The following ZNF536 variants were observed in gnomAD, a reference collection of about 807,000 sequenced individuals.
The protein encoded by ZNF536 is zinc finger protein 536.
Under a neutral mutation model 84.5 loss-of-function variants are expected in ZNF536, and 13 were observed. The observed-to-expected ratio is 0.15, with a 90% CI of 0.10 to 0.24. The LOEUF (loss-of-function observed/expected upper bound fraction) is 0.24, where lower values mean the gene tolerates loss of function less well. Among genes scored for constraint, ZNF536 ranks in the 10% least tolerant of loss-of-function variants. The pLI is 1.00. For synonymous variants in ZNF536, 811 were observed against 742.5 expected (o/e 1.09, Z -1.50); for missense variants, 1,536 against 1,747.5 (o/e 0.88, Z 2.16).
chr19:30,279,501 A>G (rs1277086621), intron 1 of ZNF536, among the ~76,000 whole-genome samples: 1 of 152,190 alleles, frequency 6.6e-6, no homozygotes, highest in Non-Finnish European at 1.5e-5. Context: ...TCTGAGAAAG[A>G]GAGAATCACT....
At chr19:30,595,993 A>G (rs1380502177) in intron 1 of ZNF536, among the ~76,000 whole-genome samples, 1 of 151,984 alleles carries the variant, frequency 6.6e-6, no homozygotes, top group African/African-American at 2.4e-5. Flanking sequence ...GCCCCCATGG[A>G]CCCCTCACTT....
At chr19:30,398,378 T>G (rs2049907106) in intron 1 of ZNF536, among the ~76,000 whole-genome samples, 1 of 97,650 alleles carries the variant, frequency 1.0e-5, no homozygotes, top group African/African-American at 3.5e-5. Context: ...GGCATTGGCT[T>G]TTTCTTTTTC....
chr19:30,232,979 G>A (rs1001585772), intron 1 of ZNF536, among the ~76,000 whole-genome samples: 1 of 152,218 alleles, frequency 6.6e-6, no homozygotes, highest in Non-Finnish European at 1.5e-5. Flanking sequence ...CCTCTTCAGG[G>A]GGGTGGAAGG....
intron 2 of ZNF536, among the ~76,000 whole-genome samples, chr19:30,297,790 A>G (rs374436414): frequency 6.6e-6 from 1 of 152,052 alleles, no homozygotes; most frequent in African/African-American, 2.4e-5. Flanking sequence ...TGTGTATAGC[A>G]TGGGAGCTTG....
At chr19:30,465,636 A>G (rs2053352447) in intron 2 of ZNF536, among the ~76,000 whole-genome samples, 1 of 152,178 alleles carries the variant, frequency 6.6e-6, no homozygotes, top group Non-Finnish European at 1.5e-5. Context: ...TAGGCCTGGA[A>G]TCCTGGTGCT....
intron 1 of ZNF536, among the ~76,000 whole-genome samples, chr19:30,671,195 G>A (rs1300548652): frequency 6.6e-6 from 1 of 152,238 alleles, no homozygotes; most frequent in Non-Finnish European, 1.5e-5. Context: ...CAGCATGGGT[G>A]TTGCCCTTAG....
intron 1 of ZNF536, among the ~76,000 whole-genome samples, chr19:30,440,197 G>A (rs1161751605): frequency 6.6e-6 from 1 of 151,946 alleles, no homozygotes; most frequent in East Asian, 1.9e-4. Context: ...CTGACTTCAA[G>A]TGATCCGCCC....
At chr19:30,468,229 C>T (rs141627990) in intron 2 of ZNF536, among the ~76,000 whole-genome samples, 1 of 152,218 alleles carries the variant, frequency 6.6e-6, no homozygotes. Flanking sequence ...CACTCCCCAA[C>T]CCAGCCTAGG....
chr19:30,426,578 G>T lies in ZNF536; in HGVS notation c.-2-16983G>T, dbSNP rs368425399. ...CCACCCTTCAGGTGCTTCCAAGGGGGACTTCACATCCCCGAGGGTGGCAGA... is the reference window on the plus strand; with the variant it reads ...CCACCCTTCAGGTGCTTCCAAGGGGTACTTCACATCCCCGAGGGTGGCAGA... On this transcript the variant is annotated intron_variant, in intron 1 of 4. Transcript: ENST00000355537. Among the ~76,000 whole-genome samples, 32 of 152,304 alleles carry T rather than the reference G, an allele frequency of 2.1e-4. No individual in the cohort carries two copies. In the East Asian group the frequency reaches 6.2e-3, roughly 29 times the overall value.
rs151279570 is a variant in ZNF536 at position 30,259,014 on chromosome 19, G to A, written c.-189-25058G>A. ...ATTACAGGCATGAGCCACTGTGACCGGCCAAAATTTTTTATTTTTTTATTA... is the reference window on the plus strand; with the variant it reads ...ATTACAGGCATGAGCCACTGTGACCAGCCAAAATTTTTTATTTTTTTATTA... On this transcript the variant is annotated intron_variant, in intron 1 of 5. Coordinates refer to the ZNF536 transcript ENST00000585628. Among the ~76,000 whole-genome samples, 153 of 152,134 alleles carry A rather than the reference G, an allele frequency of 1.0e-3. 3 individuals are homozygous for A. The East Asian group carries it at 0.025, about 25-fold the overall frequency.
downstream of ZNF536, among the ~76,000 whole-genome samples, chr19:30,559,544 T>G (rs78946487): frequency 6.6e-6 from 1 of 152,200 alleles, no homozygotes. Context: ...CTGAGCACAC[T>G]GTTCCTGGCG....
intron 1 of ZNF536, among the ~76,000 whole-genome samples, chr19:30,425,944 C>T (rs899615641): frequency 6.6e-6 from 1 of 152,090 alleles, no homozygotes; most frequent in African/African-American, 2.4e-5. Flanking sequence ...TAGGTGTGAG[C>T]GAGAGTGCAG....
intron 1 of ZNF536, among the ~76,000 whole-genome samples, chr19:30,235,781 G>A (rs577460320): frequency 7.2e-5 from 11 of 152,294 alleles, no homozygotes; most frequent in African/African-American, 2.4e-4. Flanking sequence ...CCTATTGAAG[G>A]GGCTGGGAAG....
chr19:30,261,570 A>G (rs1370777395), intron 1 of ZNF536, among the ~76,000 whole-genome samples: 3 of 151,004 alleles, frequency 2.0e-5, no homozygotes, highest in Admixed American at 2.0e-4. Context: ...GTGGTGGTGC[A>G]TGCCTGTAGT....
At chr19:30,700,169 T>C (rs1351418076) in intron 1 of ZNF536, among the ~76,000 whole-genome samples, 1 of 149,710 alleles carries the variant, frequency 6.7e-6, no homozygotes, top group Non-Finnish European at 1.5e-5. Flanking sequence ...TTTCTTTTCT[T>C]TCCTTCTTTC....
chr19:30,391,797 T>C (rs1412261591), intron 1 of ZNF536, among the ~76,000 whole-genome samples: 3 of 152,186 alleles, frequency 2.0e-5, no homozygotes, highest in African/African-American at 7.2e-5. Flanking sequence ...TTTCCCTTGT[T>C]CTGATTGTAA....
intron 2 of ZNF536, among the ~76,000 whole-genome samples, chr19:30,314,895 C>G (rs1391569852): frequency 6.6e-6 from 1 of 152,146 alleles, no homozygotes; most frequent in African/African-American, 2.4e-5. Context: ...TACCCAGCCC[C>G]GATCCCCCAC....
At chr19:30,478,778 G>C (rs928013998) in intron 2 of ZNF536, among the ~76,000 whole-genome samples, 1 of 152,176 alleles carries the variant, frequency 6.6e-6, no homozygotes, top group South Asian at 2.1e-4. Context: ...ACAAAATGTG[G>C]TATAGCTTCG....
chr19:30,287,477 GATAGATGGGTGGATGGATGA>G (rs2045675019), intron 2 of ZNF536, among the ~76,000 whole-genome samples: 1 of 151,668 alleles, frequency 6.6e-6, no homozygotes, highest in South Asian at 2.1e-4. Flanking sequence ...TGGATAGATG[GATAGATGGGTGGATGGATGA>G]ATAGATGGGT....
Sources: allele counts gnomAD v4.1 joint callset (sites outside exome capture counted in the v4.1 genomes callset), GRCh38; gene constraint gnomAD v4.1.1; transcripts MANE v1.5; gene names NCBI Gene and HGNC (gene_info 2026-07-23, HGNC 2026-07-21).